The following ADK variants were observed in gnomAD, a reference collection of about 807,000 sequenced individuals.
ADK encodes N6,N6-dimethyladenosine kinase.
In ADK, 24 loss-of-function variants were observed where a neutral mutation model predicts 44.7. The observed-to-expected ratio is 0.54, with a 90% CI of 0.39 to 0.76. The LOEUF (loss-of-function observed/expected upper bound fraction) is 0.76. ADK is among the 30% of genes least tolerant of loss of function. The pLI is 0.00. For synonymous variants in ADK, 128 were observed against 142.6 expected, an observed-to-expected ratio of 0.90 and a Z score of 0.73; for missense variants, 321 against 425.1, an observed-to-expected ratio of 0.76 and a Z score of 2.15.
intron 6 of ADK, among the ~76,000 whole-genome samples, chr10:74,410,268 G>T (rs1844123095): frequency 1.3e-5 from 2 of 151,994 alleles, no homozygotes; most frequent in Non-Finnish European, 2.9e-5. Flanking sequence ...GTGCCATCTA[G>T]TATTCTTTGC....
At chr10:74,191,518 C>T (rs530193727) in intron 1 of ADK, among the ~76,000 whole-genome samples, 2 of 152,300 alleles carry the variant, frequency 1.3e-5, no homozygotes, top group Admixed American at 1.3e-4. Flanking sequence ...TCCCAAAGTG[C>T]TGAGACTACA....
chr10:74,518,262 C>G (rs561403879), intron 6 of ADK, among the ~76,000 whole-genome samples: 7 of 152,372 alleles, frequency 4.6e-5, no homozygotes, highest in African/African-American at 1.4e-4. Flanking sequence ...TCTTGAGACA[C>G]AAGCATCTGG....
chr10:74,568,539 C>A (rs766390224), intron 7 of ADK, among the ~76,000 whole-genome samples: 4 of 151,482 alleles, frequency 2.6e-5, no homozygotes, highest in Non-Finnish European at 5.9e-5. Context: ...CAGTGCAAAG[C>A]AAAAGCAAGT....
chr10:74,271,532 A>AG (rs368676000), intron 3 of ADK, among the ~76,000 whole-genome samples: 76,846 of 76,852 alleles, frequency 1, 38,420 homozygotes, highest in Middle Eastern at 1. Context: ...ATTTAGCATT[A>AG]GTATATCTCC....
chr10:74,214,360 C>T (rs931037044), intron 2 of ADK, among the ~76,000 whole-genome samples: 5 of 152,130 alleles, frequency 3.3e-5, no homozygotes, highest in African/African-American at 1.2e-4. Context: ...ACACTGTCTA[C>T]CTGATTGGTT....
intron 6 of ADK, among the ~76,000 whole-genome samples, chr10:74,512,145 T>A (rs1422121904): frequency 6.6e-6 from 1 of 152,180 alleles, no homozygotes; most frequent in African/African-American, 2.4e-5. Flanking sequence ...ATTCTTGGGA[T>A]AATCCTCACT....
At chr10:74,180,543 C>T (rs1842508122) in intron 1 of ADK, among the ~76,000 whole-genome samples, 1 of 150,124 alleles carries the variant, frequency 6.7e-6, no homozygotes. Flanking sequence ...ACTTGAAGCT[C>T]CGCCTCCTGG....
At chr10:74,172,467 T>A (rs1217933188) in intron 1 of ADK, among the ~76,000 whole-genome samples, 1 of 152,056 alleles carries the variant, frequency 6.6e-6, no homozygotes, top group Non-Finnish European at 1.5e-5. Context: ...GGTGGGCGGA[T>A]CACCTGAGGT....
At chr10:74,683,794 C>T (rs1855699672) in intron 10 of ADK, among the ~76,000 whole-genome samples, 2 of 152,194 alleles carry the variant, frequency 1.3e-5, no homozygotes, top group African/African-American at 4.8e-5. Context: ...CTGGTTTTGT[C>T]GTCCTCCGTA....
intron 4 of ADK, among the ~76,000 whole-genome samples, chr10:74,378,656 C>T (rs1324266461): frequency 6.6e-6 from 1 of 152,140 alleles, no homozygotes; most frequent in Admixed American, 6.5e-5. Flanking sequence ...ACAGAAGCAA[C>T]ACTTTACAAT....
chr10:74,300,274 CCT>C lies in ADK; in HGVS notation c.195-14392_195-14391del, dbSNP rs1564640755. Among the ~76,000 whole-genome samples the C allele has an allele frequency of 2.0e-3, 94 of 47,588 alleles. 1 individual carries two copies. Among genetic ancestry groups the C allele is most frequent in the African/African-American group, 6.5e-3 (89 of 13,770 alleles). The allele number at this position is 47,588 out of a possible 152,430, so 31.2% of individuals were successfully genotyped here. ...TCTCTCCTTGTTTCCTTCCTTCCTT[CCT>C]TCCTTCCTTCCTTCCTTCCTTCCTT... On this transcript the variant is annotated intron_variant, in intron 3 of 10. Transcript: ENST00000539909.
At chr10:74,514,301 GAATAT>G in intron 6 of ADK, among the ~76,000 whole-genome samples, 1 of 152,160 alleles carries the variant, frequency 6.6e-6, no homozygotes, top group East Asian at 1.9e-4. Context: ...TGTTTGAGGT[GAATAT>G]ATTTGAGCTT....
At chr10:74,457,991 A>G (rs1846017267) in intron 6 of ADK, among the ~76,000 whole-genome samples, 1 of 152,148 alleles carries the variant, frequency 6.6e-6, no homozygotes, top group South Asian at 2.1e-4. Context: ...TGTTCTGCAC[A>G]TGTATCCCAG....
intron 2 of ADK, among the ~76,000 whole-genome samples, chr10:74,220,103 C>CA (rs1844240801): frequency 1.3e-5 from 2 of 151,732 alleles, no homozygotes; most frequent in Admixed American, 1.3e-4. Flanking sequence ...AAAGGATCAA[C>CA]AAAATTGATA....
At chr10:74,660,926 G>A (rs1854699083) in intron 9 of ADK, among the ~76,000 whole-genome samples, 1 of 151,950 alleles carries the variant, frequency 6.6e-6, no homozygotes, top group South Asian at 2.1e-4. Flanking sequence ...CAGCTACTCA[G>A]GAGGCTGAGG....
At chr10:74,201,834 A>G (rs976918937) in intron 2 of ADK, among the ~76,000 whole-genome samples, 1 of 152,064 alleles carries the variant, frequency 6.6e-6, no homozygotes, top group African/African-American at 2.4e-5. Flanking sequence ...TTTAAGTAGT[A>G]AAAAAGATTA....
intron 4 of ADK, among the ~76,000 whole-genome samples, chr10:74,341,387 G>C (rs1245390405): frequency 1.3e-5 from 2 of 151,846 alleles, no homozygotes; most frequent in East Asian, 1.9e-4. Context: ...TTAGCTGGGT[G>C]TGTTGGCGGG....
chr10:74,676,211 C>T (rs1444066667), intron 10 of ADK, among the ~76,000 whole-genome samples: 1 of 152,130 alleles, frequency 6.6e-6, no homozygotes, highest in Admixed American at 6.5e-5. Flanking sequence ...CTCACTACAA[C>T]CTCTGCCTTT....
intron 6 of ADK, among the ~76,000 whole-genome samples, chr10:74,523,158 T>C (rs1432673492): frequency 1.3e-5 from 2 of 152,212 alleles, no homozygotes; most frequent in African/African-American, 4.8e-5. Context: ...ATAGGTTTGA[T>C]GTAAGGAAAA....
Sources: allele counts gnomAD v4.1 joint callset (sites outside exome capture counted in the v4.1 genomes callset), GRCh38; gene constraint gnomAD v4.1.1; transcripts MANE v1.5; gene names NCBI Gene and HGNC (gene_info 2026-07-23, HGNC 2026-07-21).